The following GOLGB1 variants were observed in gnomAD, a reference collection of about 807,000 sequenced individuals.
GOLGB1 encodes the protein golgin B1.
A neutral mutation model predicts 336.9 loss-of-function variants in GOLGB1; 174 were observed. The ratio of observed to expected loss-of-function variants is 0.52; its 90% CI spans 0.46 to 0.59. The LOEUF is 0.59. Ranked by LOEUF, GOLGB1 falls within the 20% of genes least tolerant of loss-of-function variation. The pLI is 0.00. For missense variants in GOLGB1, 3,331 were observed against 3,645.3 expected (o/e 0.91, Z 2.22); for synonymous variants, 1,208 against 1,289.2 (o/e 0.94, Z 1.35).
At chr3:121,677,073 C>A in intron 16 of GOLGB1, 43 bp from the exon 17 acceptor site, 1 of 1,610,526 alleles carries the variant, frequency 6.2e-7, no homozygotes, top group South Asian at 1.1e-5. Context: ...CCTAAGATTG[C>A]GCATGCTTAA....
At chr3:121,727,316 ATATATTTTTTT>A (rs1442387970) in intron 4 of GOLGB1, among the ~76,000 whole-genome samples, 25 of 36,080 alleles carry the variant, frequency 6.9e-4, no homozygotes, top group African/African-American at 1.9e-3. Context: ...ATATATATAT[ATATATTTTTTT>A]TTTTTTTTTT....
At chr3:121,681,445 C>A (rs1941062680) in intron 15 of GOLGB1, among the ~76,000 whole-genome samples, 1 of 152,156 alleles carries the variant, frequency 6.6e-6, no homozygotes, top group Non-Finnish European at 1.5e-5. Context: ...CATAGAACCA[C>A]ACACACAGAT....
intron 10 of GOLGB1, among the ~76,000 whole-genome samples, chr3:121,706,040 A>T (rs1453888221): frequency 6.6e-6 from 1 of 152,088 alleles, no homozygotes; most frequent in African/African-American, 2.4e-5. Context: ...AAATATAGAA[A>T]CAAAGGAGAA....
intron 17 of GOLGB1, among the ~76,000 whole-genome samples, chr3:121,672,296 T>G (rs1405339011): frequency 8.3e-6 from 1 of 121,094 alleles, no homozygotes; most frequent in Admixed American, 7.6e-5. Flanking sequence ...AATCTGTTAC[T>G]ACCTGTCTTT....
intron 18 of GOLGB1, 156 bp from the exon 19 acceptor site, chr3:121,668,314 C>G (rs1440176415): frequency 4.1e-6 from 2 of 490,946 alleles, no homozygotes; most frequent in East Asian, 3.5e-5. Context: ...GATTACTCAC[C>G]TACATAAAAC....
intron 10 of GOLGB1, among the ~76,000 whole-genome samples, chr3:121,710,059 GAA>G (rs543802111): frequency 1.2e-5 from 1 of 83,680 alleles, no homozygotes. Flanking sequence ...AAAACCCCAG[GAA>G]AAAAAAAAAA....
chr3:121,693,312 C>A (rs901420127), intron 13 of GOLGB1, among the ~76,000 whole-genome samples: 1 of 152,110 alleles, frequency 6.6e-6, no homozygotes, highest in African/African-American at 2.4e-5. Context: ...CATGGTGAAA[C>A]CCCCTCTCTA....
chr3:121,739,533 T>A (rs922838719), intron 1 of GOLGB1, among the ~76,000 whole-genome samples: 3 of 151,580 alleles, frequency 2.0e-5, no homozygotes, highest in Non-Finnish European at 4.4e-5. Flanking sequence ...CTGAAAAATT[T>A]AAAAAATCAT....
rs780998161 is a variant in GOLGB1, at chr3:121,717,003, T to C, written c.1022A>G (p.His341Arg). Residue 341 changes from histidine to arginine, a missense_variant, in exon 9 of 22, where the codon CAT becomes CGT. Coordinates refer to ENST00000614479, the MANE Select transcript of GOLGB1 (RefSeq NM_001366282.2). ...LEVAERKLSF[H>R]NLQEEMHHLL... Reference sequence around the variant, plus strand: ...ATGATGCATTTCTTCCTGCAGATTATGGAAGGATAATTTTCTCTCTGCCAC... The same window carrying C: ...ATGATGCATTTCTTCCTGCAGATTACGGAAGGATAATTTTCTCTCTGCCAC... The C allele has an allele frequency of 3.7e-6, 6 of 1,613,970 alleles. No homozygotes were observed. Among genetic ancestry groups the C allele is most frequent in the Non-Finnish European group, 3.4e-6 (4 of 1,179,970 alleles).
Position 121,688,376 on chromosome 3 carries a change from C to T in GOLGB1, c.8694+2294G>A, listed in dbSNP as rs564081290. Among the ~76,000 whole-genome samples, 25 of 152,352 alleles carry T rather than the reference C, an allele frequency of 1.6e-4. No individual in the cohort carries two copies. The South Asian group carries it at 4.3e-3, about 26-fold the overall frequency. On this transcript the variant is annotated intron_variant, in intron 14 of 21. Coordinates refer to ENST00000614479, the MANE Select transcript of GOLGB1 (RefSeq NM_001366282.2). ...GGTTTTCGTATTTTTTGGATGGAGA[C>T]GGGGTTTCGCTGTGTTGGCCGGGCT...
At chr3:121,710,323 G>A (rs1367043043) in intron 10 of GOLGB1, among the ~76,000 whole-genome samples, 1 of 151,896 alleles carries the variant, frequency 6.6e-6, no homozygotes, top group Non-Finnish European at 1.5e-5. Flanking sequence ...ATAGAAAAGG[G>A]AACATATTAT....
At chr3:121,728,302 G>C (rs142782594) in intron 4 of GOLGB1, among the ~76,000 whole-genome samples, 1 of 152,148 alleles carries the variant, frequency 6.6e-6, no homozygotes, top group Non-Finnish European at 1.5e-5. Flanking sequence ...ACTAACTAGC[G>C]ATCCCAAAGG....
chr3:121,721,845 T>C (rs1945222202), intron 6 of GOLGB1, among the ~76,000 whole-genome samples: 1 of 152,192 alleles, frequency 6.6e-6, no homozygotes, highest in Admixed American at 6.5e-5. Context: ...TTATTTCCTA[T>C]TAAGATAGAT....
chr3:121,664,900 CCT>C (rs1560153832), intron 21 of GOLGB1, 24 bp downstream of exon 21: 1 of 1,345,310 alleles, frequency 7.4e-7, no homozygotes, highest in South Asian at 1.2e-5. Flanking sequence ...AATAAAACAC[CCT>C]CTCTTTATCC....
At chr3:121,721,171 A>G (rs1326863865) in intron 6 of GOLGB1, among the ~76,000 whole-genome samples, 1 of 152,214 alleles carries the variant, frequency 6.6e-6, no homozygotes, top group Non-Finnish European at 1.5e-5. Flanking sequence ...GAATTTCAGG[A>G]TATACAATTT....
chr3:121,690,676 G>T lies in GOLGB1; in HGVS notation c.8688C>A (p.Asp2896Glu). 3 of 1,484,926 alleles carry T rather than the reference G, an allele frequency of 2.0e-6. No homozygotes were observed. Among genetic ancestry groups the T allele is most frequent in the Non-Finnish European group, 1.8e-6 (2 of 1,108,852 alleles). The allele number at this position is 1,484,926 out of a possible 1,614,324, so 92.0% of individuals were successfully genotyped here. A position where few individuals can be genotyped will look rare whatever the true frequency, so the allele number is the denominator to read the frequency against. ...GAAAGAACTAGCTACTCACTAGTCT[G>T]TCTCTGTCATTTTGGAGTGAAGACA... ...KAMSSLQNDR[D>E]RLLKELKNLQ... Residue 2896 changes from aspartate to glutamate, a missense_variant, in exon 14 of 22, where the codon GAC becomes GAA. Transcript: ENST00000614479.
In GOLGB1 at chr3:121,726,990, T is replaced by C; in HGVS notation, c.454A>G (p.Lys152Glu). Residue 152 changes from lysine to glutamate, a missense_variant, in exon 5 of 22, where the codon AAG becomes GAG. Physicochemically the swap from Lys to Glu is moderately conservative, Grantham distance 56 (BLOSUM62 1). Coordinates refer to ENST00000614479, the MANE Select transcript of GOLGB1 (RefSeq NM_001366282.2). ...EEMEIEKIKH[K>E]LQEKEELIST... ...ATTAGTTCCTCCTTCTCCTGGAGCT[T>C]ATGTTTTATCTTTTCTATTTCCATC... 1.2e-6 allele frequency: 2 copies of C among 1,601,896 alleles called. No individual in the cohort carries two copies. The highest frequency in any genetic ancestry group is 1.7e-6 in the Non-Finnish European group (2 of 1,171,100).
chr3:121,730,116 T>C, intron 2 of GOLGB1, 99 bp from the exon 3 acceptor site: 1 of 713,728 alleles, frequency 1.4e-6, no homozygotes, highest in Admixed American at 2.8e-5. Context: ...GCCCAATTCA[T>C]ATTCTTGTTA....
At position 121,695,900 on chromosome 3, in the gene GOLGB1, C is replaced by T. The variant is rs748748752; in HGVS notation, c.4623G>A (p.Thr1541=). The change falls in exon 13 of 22, where the codon ACG becomes ACA. Residue 1541 remains threonine, a synonymous_variant. Coordinates refer to ENST00000614479, the MANE Select transcript of GOLGB1 (RefSeq NM_001366282.2). Reference sequence around the variant, plus strand: ...GAAGAAGAGCTAACCTTCCTAAGACCGTATCTTTTTCTTTATTTTGAGCAG... The same window carrying T: ...GAAGAAGAGCTAACCTTCCTAAGACTGTATCTTTTTCTTTATTTTGAGCAG... ...QVSAQNKEKD[T]VLGRLALLQE... is the part of the protein sequence containing the mutation. 3.1e-6 allele frequency: 5 copies of T among 1,613,446 alleles called. No individual in the cohort carries two copies. In the East Asian group the frequency reaches 6.7e-5, roughly 22 times the overall value.
Sources: allele counts gnomAD v4.1 joint callset (sites outside exome capture counted in the v4.1 genomes callset), GRCh38; gene constraint gnomAD v4.1.1; transcripts MANE v1.5; gene names NCBI Gene and HGNC (gene_info 2026-07-23, HGNC 2026-07-21).